MCC: variants seen among roughly 807,000 people sequenced by gnomAD.
MCC encodes MCC regulator of Wnt signaling pathway.
Under a neutral mutation model 116.2 loss-of-function variants are expected in MCC, and 90 were observed. The ratio of observed to expected loss-of-function variants is 0.77; its 90% confidence interval spans 0.65 to 0.92. MCC has a LOEUF of 0.92. Ranked by LOEUF, MCC falls within the 40% of genes least tolerant of loss-of-function variation. The pLI, the probability that MCC is intolerant of heterozygous loss-of-function variation, is 0.00. For missense variants in MCC, 1,516 were observed against 1,312.2 expected (o/e 1.16, Z -2.40); for synonymous variants, 578 against 510.5 (o/e 1.13, Z -1.78).
Position 113,122,816 on chromosome 5 carries a change from C to A in MCC, c.895G>T (p.Glu299Ter). ...LQGTTIREEDEYSELRSELSQ... is the reference protein window; with the variant it reads ...LQGTTIREED Reference sequence around the variant, plus strand: ...AGTTCTGATCGCAGTTCTGAGTACTCATCTTCCTCCCTGAGAAAAAAGGAG... The same window carrying A: ...AGTTCTGATCGCAGTTCTGAGTACTAATCTTCCTCCCTGAGAAAAAAGGAG... Residue 299 changes from glutamate to a stop codon, truncating the protein, a stop_gained, in exon 6 of 19, where the codon GAG (glutamate) becomes TAG (stop). Transcript: ENST00000408903. LOFTEE classifies it high-confidence loss of function. 1 of 1,614,162 alleles carries A rather than the reference C, an allele frequency of 6.2e-7. No homozygotes were observed. The highest frequency in any genetic ancestry group is 8.5e-7 in the Non-Finnish European group (1 of 1,180,014).
intron 8 of MCC, among the ~76,000 whole-genome samples, chr5:113,086,301 T>C (rs1304131646): frequency 3.8e-5 from 4 of 105,336 alleles, no homozygotes; most frequent in Non-Finnish European, 5.7e-5. Context: ...AGTGGTGATA[T>C]GCCTGGGGGG....
At chr5:113,362,884 T>G (rs1768582747) in intron 2 of MCC, among the ~76,000 whole-genome samples, 2 of 152,124 alleles carry the variant, frequency 1.3e-5, no homozygotes, top group South Asian at 4.1e-4. Flanking sequence ...GGAGGGAGCT[T>G]CTGCTTCATT....
intron 3 of MCC, among the ~76,000 whole-genome samples, chr5:113,272,927 C>G (rs112528599): frequency 1.3e-5 from 2 of 152,140 alleles, no homozygotes; most frequent in African/African-American, 4.8e-5. Context: ...ATCACAAAAA[C>G]GTAATAATGT....
At chr5:113,072,973 C>T (rs111231787) in intron 11 of MCC, among the ~76,000 whole-genome samples, 1,665 of 152,302 alleles carry the variant, frequency 0.011, 16 homozygotes, top group Non-Finnish European at 0.018. Flanking sequence ...AATGCCACCA[C>T]CGTCTACCCA....
chr5:113,260,775 T>C (rs1765194588), intron 3 of MCC, among the ~76,000 whole-genome samples: 1 of 151,960 alleles, frequency 6.6e-6, no homozygotes, highest in East Asian at 1.9e-4. Flanking sequence ...GAAAAGTACA[T>C]TATTAATATT....
intron 3 of MCC, among the ~76,000 whole-genome samples, chr5:113,228,551 T>C (rs1175851558): frequency 1.3e-5 from 2 of 152,148 alleles, no homozygotes; most frequent in African/African-American, 4.8e-5. Flanking sequence ...CCAATGTATC[T>C]GGGGCAGCAA....
intron 3 of MCC, among the ~76,000 whole-genome samples, chr5:113,182,761 G>A (rs1336591135): frequency 6.6e-6 from 1 of 152,086 alleles, no homozygotes; most frequent in African/African-American, 2.4e-5. Context: ...ATCTACTTCC[G>A]GTGCCTCGCA....
chr5:113,071,012 C>T lies in MCC; in HGVS notation c.1925+82G>A. 6.7e-6 allele frequency: 10 copies of T among 1,496,928 alleles called. No individual in the cohort carries two copies. In the South Asian group the frequency reaches 1.4e-4, roughly 20 times the overall value. The allele number at this position is 1,496,928 out of a possible 1,614,324, so 92.7% of individuals were successfully genotyped here. On this transcript the variant is annotated intron_variant, in intron 12 of 18. Coordinates refer to ENST00000408903, the MANE Select transcript of MCC (RefSeq NM_001085377.2). ...ACTGCCAGATATGCCTTCTAAAAGCCTATTTCCTACTTTTATTCTGAAGGT... is the reference window on the plus strand; with the variant it reads ...ACTGCCAGATATGCCTTCTAAAAGCTTATTTCCTACTTTTATTCTGAAGGT...
chr5:113,454,137 G>A (rs193157284), intron 1 of MCC, among the ~76,000 whole-genome samples: 1 of 152,176 alleles, frequency 6.6e-6, no homozygotes, highest in Admixed American at 6.5e-5. Context: ...AGTAATAAAT[G>A]TACATTTAAA....
rs533686140 is a variant in MCC at position 113,441,060 on chromosome 5, T to C, written c.170+47185A>G. Reference sequence around the variant, plus strand: ...TAGAAAAAAACAAGTTCTGTCAAGGTGTGGTGGCTCACGCCTGTAATCCCA... The same window carrying C: ...TAGAAAAAAACAAGTTCTGTCAAGGCGTGGTGGCTCACGCCTGTAATCCCA... On this transcript the variant is annotated intron_variant, in intron 1 of 18. Transcript: ENST00000408903. 2.6e-5 allele frequency among the ~76,000 whole-genome samples: 4 copies of C among 152,140 alleles called. No homozygotes were observed. The South Asian group carries it at 8.3e-4, about 32-fold the overall frequency.
intron 3 of MCC, among the ~76,000 whole-genome samples, chr5:113,227,678 G>A (rs1056838359): frequency 6.6e-6 from 1 of 152,128 alleles, no homozygotes; most frequent in African/African-American, 2.4e-5. Flanking sequence ...ATATGGGGAT[G>A]GCTTATAAAT....
chr5:113,276,289 C>T (rs1157696), intron 3 of MCC, among the ~76,000 whole-genome samples: 19,630 of 152,096 alleles, frequency 0.13, 1,392 homozygotes, highest in Non-Finnish European at 0.17. Flanking sequence ...AACAGATGGT[C>T]CTAATTTATT....
chr5:113,387,819 T>G (rs904330425), intron 1 of MCC, among the ~76,000 whole-genome samples: 17 of 152,192 alleles, frequency 1.1e-4, no homozygotes, highest in African/African-American at 3.9e-4. Flanking sequence ...CTGGCACATA[T>G]TAAGTACTCA....
At chr5:113,353,776 A>T (rs891613049) in intron 2 of MCC, among the ~76,000 whole-genome samples, 4 of 152,242 alleles carry the variant, frequency 2.6e-5, no homozygotes, top group South Asian at 2.1e-4. Context: ...TTTTATTTTT[A>T]GCTGACCGTA....
intron 5 of MCC, among the ~76,000 whole-genome samples, chr5:113,134,555 CTTT>C: frequency 3.4e-3 from 103 of 30,124 alleles, no homozygotes; most frequent in Admixed American, 5.0e-3. Flanking sequence ...GCTATTTGGG[CTTT>C]TTTTTTTTTT....
At chr5:113,308,221 C>A (rs1371482446) in intron 3 of MCC, among the ~76,000 whole-genome samples, 2 of 152,060 alleles carry the variant, frequency 1.3e-5, no homozygotes, top group Non-Finnish European at 2.9e-5. Flanking sequence ...TTCTTTGGTG[C>A]CTGTCTAAAT....
At chr5:113,160,842 A>C (rs966750121) in intron 3 of MCC, among the ~76,000 whole-genome samples, 2 of 152,214 alleles carry the variant, frequency 1.3e-5, no homozygotes, top group Non-Finnish European at 2.9e-5. Flanking sequence ...ATCTCCAGCT[A>C]TTCCTACATT....
chr5:113,372,289 A>G (rs1300101255), intron 2 of MCC, among the ~76,000 whole-genome samples: 2 of 152,254 alleles, frequency 1.3e-5, no homozygotes, highest in Non-Finnish European at 2.9e-5. Context: ...AGCAGCACCA[A>G]ATAGTGTGAA....
At chr5:113,207,706 A>G (rs970892954) in intron 3 of MCC, among the ~76,000 whole-genome samples, 9 of 152,198 alleles carry the variant, frequency 5.9e-5, no homozygotes, top group African/African-American at 2.2e-4. Context: ...AATTATACTC[A>G]CACACCTTTT....
Sources: gnomAD v4.1 joint callset for allele counts (sites outside exome capture counted in the v4.1 genomes callset) on GRCh38, gnomAD v4.1.1 for gene constraint, MANE v1.5 for transcripts, NCBI Gene and HGNC (gene_info 2026-07-23, HGNC 2026-07-21) for gene names.